Variants in FHIP1A observed in about 807,000 individuals in gnomAD.
The protein encoded by FHIP1A is FHF complex subunit HOOK-interacting protein 1A.
Under a neutral mutation model 88.6 loss-of-function variants are expected in FHIP1A, and 61 were observed. The observed-to-expected ratio is 0.69, with a 90% CI of 0.56 to 0.85. The LOEUF is 0.85. Ranked by LOEUF, FHIP1A falls within the 40% of genes least tolerant of loss-of-function variation. The pLI is 0.00. For synonymous variants in FHIP1A, 478 were observed against 496.0 expected, an observed-to-expected ratio of 0.96 and a Z score of 0.48; for missense variants, 1,154 against 1,273.5, an observed-to-expected ratio of 0.91 and a Z score of 1.43.
chr4:151,614,490 T>A (rs1735443502), intron 7 of FHIP1A, among the ~76,000 whole-genome samples: 1 of 152,030 alleles, frequency 6.6e-6, no homozygotes. Flanking sequence ...AAAAAAAGTT[T>A]TGTGAACCTT....
chr4:151,638,849 ATTAC>A, intron 9 of FHIP1A, 93 bp downstream of exon 9: 2 of 614,934 alleles, frequency 3.3e-6, no homozygotes, highest in Non-Finnish European at 5.2e-6. Flanking sequence ...TATACTTTAT[ATTAC>A]TTTGGTTGTA....
intron 7 of FHIP1A, among the ~76,000 whole-genome samples, chr4:151,608,196 C>T (rs1274424069): frequency 6.6e-6 from 1 of 151,578 alleles, no homozygotes; most frequent in Non-Finnish European, 1.5e-5. Context: ...AAGCGTATGC[C>T]ACAATGCCCA....
At chr4:151,505,632 G>C (rs942639802) in intron 3 of FHIP1A, among the ~76,000 whole-genome samples, 6 of 152,098 alleles carry the variant, frequency 3.9e-5, no homozygotes, top group Non-Finnish European at 8.8e-5. Context: ...TTCACAAAAA[G>C]AGAAAAATCT....
Position 151,621,430 on chromosome 4 carries a change from A to G in FHIP1A, c.979-8272A>G, listed in dbSNP as rs147558472. ...AAGCTAGGAGTGAAATCTGTCTTTT[A>G]TCATCAGAGCTTGCTTTGTTACTTT... On this transcript the variant is annotated intron_variant, in intron 7 of 13. Transcript: ENST00000435205. Among the ~76,000 whole-genome samples the G allele has an allele frequency of 7.2e-5, 11 of 152,042 alleles. No individual in the cohort carries two copies. In the East Asian group the frequency reaches 7.7e-4, roughly 11 times the overall value.
chr4:151,642,966 TGGG>T (rs989905749), intron 9 of FHIP1A, among the ~76,000 whole-genome samples: 1 of 150,796 alleles, frequency 6.6e-6, no homozygotes, highest in African/African-American at 2.4e-5. Context: ...CCTTCTGTGT[TGGG>T]GGATGGCTTT....
At chr4:151,647,356 G>C (rs1300112054) in intron 10 of FHIP1A, among the ~76,000 whole-genome samples, 1 of 152,186 alleles carries the variant, frequency 6.6e-6, no homozygotes, top group Non-Finnish European at 1.5e-5. Flanking sequence ...GCTAGAGCAA[G>C]GGAGCATCTG....
At chr4:151,490,157 A>T (rs563668596) in intron 3 of FHIP1A, among the ~76,000 whole-genome samples, 1 of 152,326 alleles carries the variant, frequency 6.6e-6, no homozygotes, top group Admixed American at 6.5e-5. Flanking sequence ...AGAGGTCGTG[A>T]GTCTGTCTGT....
At chr4:151,578,686 G>A (rs139952459) in intron 5 of FHIP1A, among the ~76,000 whole-genome samples, 2 of 152,220 alleles carry the variant, frequency 1.3e-5, no homozygotes, top group East Asian at 3.9e-4. Flanking sequence ...AGACAGTTTG[G>A]CAGTTTCTTA....
In FHIP1A at chr4:151,665,936, C is replaced by T. The variant is rs577488097; in HGVS notation, c.*3182C>T. Among the ~76,000 whole-genome samples the T allele has an allele frequency of 7.9e-5, 12 of 152,252 alleles. No homozygotes were observed. The highest frequency in any genetic ancestry group is 4.1e-4 in the South Asian group (2 of 4,820). On this transcript the variant is annotated 3_prime_UTR_variant, in exon 14 of 14. Transcript: ENST00000435205. The stretch of plus-strand genomic sequence containing the variant: ...GTAGGGGAAGAGAAACCGTGGGTAC[C>T]GCCCGCTGGCGCAGCCCCTGAGCTG...
At chr4:151,553,577 C>T (rs1014232890) in intron 3 of FHIP1A, among the ~76,000 whole-genome samples, 3 of 151,966 alleles carry the variant, frequency 2.0e-5, no homozygotes, top group African/African-American at 7.2e-5. Flanking sequence ...AATTACTAAC[C>T]AGTTGGAATT....
intron 2 of FHIP1A, among the ~76,000 whole-genome samples, chr4:151,471,199 T>C (rs1260899572): frequency 6.6e-6 from 1 of 151,942 alleles, no homozygotes; most frequent in Non-Finnish European, 1.5e-5. Context: ...ATTCAAGATA[T>C]GAGGATAGGA....
Position 151,656,226 on chromosome 4 carries a change from C to G in FHIP1A, c.2552-6C>G, listed in dbSNP as rs1247275827. The stretch of plus-strand genomic sequence containing the variant: ...CCAGCCCTGAAGCCTTGTGTTCTTC[C>G]TGCAGGCCCATTCATCAGCGTAGTC... On this transcript the variant is annotated splice_polypyrimidine_tract_variant and splice_region_variant and intron_variant, in intron 11 of 13. Transcript: ENST00000435205. This position sits in a 1 kb window ranked among gnomAD's most constrained non-coding sequence, Gnocchi z 4.2. 3 of 1,550,970 alleles carry G rather than the reference C, an allele frequency of 1.9e-6. No individual in the cohort carries two copies. The highest frequency in any genetic ancestry group is 2.6e-6 in the Non-Finnish European group (3 of 1,146,518).
intron 3 of FHIP1A, among the ~76,000 whole-genome samples, chr4:151,491,967 A>G (rs1174699458): frequency 1.3e-5 from 2 of 152,184 alleles, no homozygotes; most frequent in Non-Finnish European, 2.9e-5. Flanking sequence ...TTCTAAATAT[A>G]TATGCACCTA....
chr4:151,422,384 A>G (rs1331012664), intron 1 of FHIP1A, among the ~76,000 whole-genome samples: 1 of 138,784 alleles, frequency 7.2e-6, no homozygotes, highest in Admixed American at 7.3e-5. Flanking sequence ...AAAAAAATAT[A>G]TATATGCATT....
rs1180045279 is a variant in FHIP1A at position 151,629,744 on chromosome 4, C to T, written c.1021C>T (p.Leu341Phe). The stretch of plus-strand genomic sequence containing the variant: ...CATGACCACAACTGCATATCTGGAC[C>T]TTTTCCTGCGTAGCATCTCCGAGCC... ...EVMTTTAYLD[L>F]FLRSISEPAL... is the part of the protein sequence containing the mutation. Residue 341 changes from leucine to phenylalanine, a missense_variant, in exon 8 of 14, where the codon CTT (leucine) becomes TTT (phenylalanine). Transcript: ENST00000435205. 3 of 1,551,228 alleles carry T rather than the reference C, an allele frequency of 1.9e-6. No homozygotes were observed. Among genetic ancestry groups the T allele is most frequent in the Non-Finnish European group, 2.6e-6 (3 of 1,146,784 alleles).
intron 4 of FHIP1A, among the ~76,000 whole-genome samples, chr4:151,573,181 C>T (rs572361411): frequency 3.9e-5 from 6 of 152,078 alleles, no homozygotes; most frequent in East Asian, 1.9e-4. Context: ...GCATTGTTCA[C>T]ACTGTTGATT....
At chr4:151,505,055 T>A (rs1730785329) in intron 3 of FHIP1A, among the ~76,000 whole-genome samples, 1 of 152,194 alleles carries the variant, frequency 6.6e-6, no homozygotes, top group African/African-American at 2.4e-5. Context: ...TTTCTTCTAC[T>A]GTATGTATGT....
At chr4:151,423,263 A>G (rs1702265083) in intron 1 of FHIP1A, among the ~76,000 whole-genome samples, 1 of 152,156 alleles carries the variant, frequency 6.6e-6, no homozygotes, top group South Asian at 2.1e-4. Flanking sequence ...AAATTGTATT[A>G]TAACTTTATC....
intron 3 of FHIP1A, among the ~76,000 whole-genome samples, chr4:151,493,515 C>CA (rs560881602): frequency 1.1e-3 from 162 of 149,494 alleles, no homozygotes; most frequent in Middle Eastern, 7.0e-3. Flanking sequence ...AAGGACGTAC[C>CA]AAAAAAAAAG....
Sources: gnomAD v4.1 joint callset for allele counts (sites outside exome capture counted in the v4.1 genomes callset) on GRCh38, gnomAD v4.1.1 for gene constraint, Gnocchi (gnomAD v3.1) non-coding constraint, MANE v1.5 for transcripts, NCBI Gene and HGNC (gene_info 2026-07-23, HGNC 2026-07-21) for gene names.